Variants in SCAF8 observed in about 807,000 individuals in gnomAD.
SCAF8 encodes the protein SR-related and CTD-associated factor 8.
In SCAF8, 23 loss-of-function variants were observed where a neutral mutation model predicts 140.5. The ratio of observed to expected loss-of-function variants is 0.16; its 90% CI spans 0.12 to 0.23. The LOEUF is 0.23. Ranked by LOEUF, SCAF8 falls within the 10% of genes least tolerant of loss-of-function variation. SCAF8 has a pLI of 1.00. For synonymous variants in SCAF8, 575 were observed against 528.9 expected, an observed-to-expected ratio of 1.09 and a Z score of -1.20; for missense variants, 1,397 against 1,555.7, an observed-to-expected ratio of 0.90 and a Z score of 1.72.
At chr6:154,789,041 T>C (rs1777333817) in intron 4 of SCAF8, among the ~76,000 whole-genome samples, 1 of 152,250 alleles carries the variant, frequency 6.6e-6, no homozygotes, top group South Asian at 2.1e-4. Context: ...TAAGTAGTTA[T>C]TTTTCATAAC....
chr6:154,792,809 C>CTTTTTTTCT lies in SCAF8; in HGVS notation c.322-13_322-5dup. The stretch of plus-strand genomic sequence containing the variant: ...GAGTAAAAACCAAAATGTCATGTTT[C>CTTTTTTTCT]TTTTTTTCTCTAGAGTAAAATAGTG... On this transcript the variant is annotated splice_polypyrimidine_tract_variant and intron_variant, in intron 4 of 19. Transcript: ENST00000367178. The CTTTTTTTCT allele has an allele frequency of 6.4e-7, 1 of 1,563,324 alleles. No individual in the cohort carries two copies. The highest frequency in any genetic ancestry group is 1.2e-5 in the South Asian group (1 of 83,826).
chr6:154,756,841 C>T (rs1778978610), intron 1 of SCAF8, among the ~76,000 whole-genome samples: 2 of 151,834 alleles, frequency 1.3e-5, no homozygotes, highest in South Asian at 4.2e-4. Flanking sequence ...CCAGCCTGGA[C>T]AACATAACGA....
chr6:154,821,363 A>G (rs559640330), intron 15 of SCAF8, among the ~76,000 whole-genome samples: 6 of 151,762 alleles, frequency 4.0e-5, no homozygotes, highest in Non-Finnish European at 5.9e-5. Flanking sequence ...TTTTTTTGCA[A>G]TAACAGTTGA....
chr6:154,783,333 C>T (rs1777139952), intron 3 of SCAF8, among the ~76,000 whole-genome samples: 1 of 151,950 alleles, frequency 6.6e-6, no homozygotes, highest in Non-Finnish European at 1.5e-5. Flanking sequence ...AATCTAGATG[C>T]TTTGTTACAG....
chr6:154,802,334 C>T (rs997429197), intron 7 of SCAF8, among the ~76,000 whole-genome samples, 187 bp downstream of exon 7: 4 of 151,834 alleles, frequency 2.6e-5, no homozygotes, highest in Admixed American at 2.6e-4. Context: ...AAAATTTTTC[C>T]TAGGCCAGGC....
At chr6:154,774,472 G>A (rs1020607358) in intron 2 of SCAF8, among the ~76,000 whole-genome samples, 18 of 152,028 alleles carry the variant, frequency 1.2e-4, no homozygotes, top group African/African-American at 4.3e-4. Flanking sequence ...ACCTTTCTTA[G>A]ATAATATTTT....
In SCAF8 at chr6:154,747,807, T is replaced by G. The variant is rs191651688; in HGVS notation, c.30+13877T>G. On this transcript the variant is annotated intron_variant, in intron 1 of 19. Coordinates refer to ENST00000367178, the MANE Select transcript of SCAF8 (RefSeq NM_014892.5). The stretch of plus-strand genomic sequence containing the variant: ...TTTTGCATTGACCACGTGCAGATAC[T>G]ATTTTAGGCACTAGGATTCAACAGT... Among the ~76,000 whole-genome samples, 3 of 152,034 alleles carry G rather than the reference T, an allele frequency of 2.0e-5. No individual in the cohort carries two copies. The East Asian group carries it at 5.8e-4, about 29-fold the overall frequency.
At chr6:154,769,290 T>G (rs570402329) in intron 1 of SCAF8, among the ~76,000 whole-genome samples, 2 of 152,292 alleles carry the variant, frequency 1.3e-5, no homozygotes, top group Admixed American at 6.5e-5. Context: ...CTAAATTATA[T>G]TTTTTGCTCC....
intron 1 of SCAF8, among the ~76,000 whole-genome samples, chr6:154,735,834 A>T (rs566452860): frequency 6.7e-6 from 1 of 149,078 alleles, no homozygotes; most frequent in African/African-American, 2.5e-5. Context: ...TTTCATAGCT[A>T]TCTTTCTTTT....
At position 154,808,099 on chromosome 6, in the gene SCAF8, C is replaced by G; in HGVS notation, c.1011C>G (p.Thr337=). 6.2e-7 allele frequency: 1 copy of G among 1,613,940 alleles called. No homozygotes were observed. Among genetic ancestry groups the G allele is most frequent in the Non-Finnish European group, 8.5e-7 (1 of 1,179,888 alleles). The part of the protein sequence containing the change: ...KATPQDSQEG[T]FGSEHSASPS... Reference sequence around the variant, plus strand: ...CTCCTCAGGATAGTCAGGAAGGAACCTTTGGGTCAGAGCATTCAGCGTCAC... The same window carrying G: ...CTCCTCAGGATAGTCAGGAAGGAACGTTTGGGTCAGAGCATTCAGCGTCAC... The change falls in exon 10 of 20, where the codon ACC becomes ACG. Residue 337 remains threonine (T), a synonymous_variant. Transcript: ENST00000367178.
intron 13 of SCAF8, among the ~76,000 whole-genome samples, chr6:154,816,129 T>A (rs1778241580): frequency 6.6e-6 from 1 of 152,186 alleles, no homozygotes; most frequent in Admixed American, 6.5e-5. Flanking sequence ...TTCCTTTTTT[T>A]AAAAAACTGT....
At chr6:154,795,899 A>G (rs1292414973) in intron 6 of SCAF8, among the ~76,000 whole-genome samples, 1 of 152,146 alleles carries the variant, frequency 6.6e-6, no homozygotes, top group East Asian at 1.9e-4. Flanking sequence ...GTAGCTCTTT[A>G]AATGTAGATT....
At chr6:154,816,638 C>T (rs968909157) in intron 13 of SCAF8, among the ~76,000 whole-genome samples, 1 of 152,118 alleles carries the variant, frequency 6.6e-6, no homozygotes, top group Middle Eastern at 3.2e-3. Context: ...ATTCATCAGG[C>T]GTCTGATTTC....
intron 15 of SCAF8, among the ~76,000 whole-genome samples, chr6:154,820,626 A>T (rs1778391882): frequency 6.6e-6 from 1 of 152,144 alleles, no homozygotes; most frequent in Non-Finnish European, 1.5e-5. Context: ...TTTGAAACTA[A>T]ATATTTCTAA....
chr6:154,757,310 T>TA (rs1465665840), intron 1 of SCAF8, among the ~76,000 whole-genome samples: 1 of 152,194 alleles, frequency 6.6e-6, no homozygotes, highest in African/African-American at 2.4e-5. Context: ...ATATACTTTT[T>TA]ATACCTATGA....
intron 12 of SCAF8, among the ~76,000 whole-genome samples, chr6:154,811,647 C>T (rs955029482): frequency 5.3e-5 from 8 of 151,998 alleles, no homozygotes; most frequent in Non-Finnish European, 8.8e-5. Context: ...ATCAACTTGT[C>T]GTTTACATTA....
chr6:154,819,426 C>G (rs1176119089), intron 14 of SCAF8, among the ~76,000 whole-genome samples: 1 of 151,706 alleles, frequency 6.6e-6, no homozygotes, highest in Non-Finnish European at 1.5e-5. Flanking sequence ...CTCATCTCTA[C>G]AAAACAACTT....
intron 1 of SCAF8, among the ~76,000 whole-genome samples, chr6:154,744,773 T>C (rs1778655610): frequency 6.6e-6 from 1 of 152,216 alleles, no homozygotes; most frequent in Admixed American, 6.5e-5. Context: ...TTCACCTTCA[T>C]AGAAAAATAG....
chr6:154,812,786 A>G (rs893873531), intron 12 of SCAF8, among the ~76,000 whole-genome samples: 1 of 152,174 alleles, frequency 6.6e-6, no homozygotes, highest in African/African-American at 2.4e-5. Context: ...TCTGGGGAAA[A>G]TAATGGAGTT....
Sources: allele counts gnomAD v4.1 joint callset (sites outside exome capture counted in the v4.1 genomes callset), GRCh38; gene constraint gnomAD v4.1.1; transcripts MANE v1.5; gene names NCBI Gene and HGNC (gene_info 2026-07-23, HGNC 2026-07-21).